The following AGPAT3 variants were observed in gnomAD, a reference collection of about 807,000 sequenced individuals.
AGPAT3 encodes 1-acyl-sn-glycerol-3-phosphate acyltransferase gamma.
AGPAT3 carries 5 observed loss-of-function variants against 47.3 expected under a neutral mutation model. That is an observed-to-expected ratio of 0.11 (90% confidence interval 0.06 to 0.22). The LOEUF (loss-of-function observed/expected upper bound fraction) is 0.22, where lower values mean the gene tolerates loss of function less well. AGPAT3 is among the 10% of genes least tolerant of loss of function. AGPAT3 has a pLI of 1.00. For synonymous variants in AGPAT3, 212 were observed against 208.3 expected, an observed-to-expected ratio of 1.02 and a Z score of -0.15; for missense variants, 315 against 493.0, an observed-to-expected ratio of 0.64 and a Z score of 3.42.
chr21:43,919,869 C>T (rs1158410921), intron 2 of AGPAT3: 1 of 152,244 alleles, frequency 6.6e-6, no homozygotes, highest in Non-Finnish European at 1.5e-5. Flanking sequence ...TGCCTCGTTC[C>T]GGTTTTAGTA....
At chr21:43,877,633 G>T (rs1290545115) in intron 1 of AGPAT3, among the ~76,000 whole-genome samples, 1 of 151,990 alleles carries the variant, frequency 6.6e-6, no homozygotes, top group Non-Finnish European at 1.5e-5. Context: ...TAATAGAGAC[G>T]GGGTTTCTCC....
At chr21:43,929,130 G>T (rs1269807120) in intron 2 of AGPAT3, among the ~76,000 whole-genome samples, 2 of 152,244 alleles carry the variant, frequency 1.3e-5, no homozygotes, top group African/African-American at 4.8e-5. Flanking sequence ...CCTTCAGAAG[G>T]AGGCCACTGC....
intron 1 of AGPAT3, among the ~76,000 whole-genome samples, chr21:43,897,184 G>A (rs377255023): frequency 0.1 from 15,814 of 151,312 alleles, 1,569 homozygotes; most frequent in African/African-American, 0.26. Flanking sequence ...GCCTTCAAGC[G>A]TCTGTTTAAC....
chr21:43,914,422 A>C (rs563708048), intron 2 of AGPAT3, among the ~76,000 whole-genome samples: 6 of 152,234 alleles, frequency 3.9e-5, no homozygotes, highest in African/African-American at 1.4e-4. Flanking sequence ...TTGTGAAATC[A>C]TCTGCCTTTG....
At position 43,880,045 on chromosome 21, in the gene AGPAT3, C is replaced by T. The variant is rs934719024; in HGVS notation, c.-112+14700C>T. Among the ~76,000 whole-genome samples the T allele has an allele frequency of 5.3e-5, 8 of 152,196 alleles. No individual in the cohort carries two copies. Among genetic ancestry groups the T allele is most frequent in the Non-Finnish European group, 8.8e-5 (6 of 68,022 alleles). On this transcript the variant is annotated intron_variant, in intron 1 of 9. Coordinates refer to ENST00000291572, the MANE Select transcript of AGPAT3 (RefSeq NM_020132.5). The surrounding 1 kb of genome is among the most constrained non-coding windows in gnomAD (Gnocchi z 4.5). ...AGAACAGGGCAGCATGACTCCGGGGCGGAGGACGCAGCCCTGCATCCCTTG... is the reference window on the plus strand; with the variant it reads ...AGAACAGGGCAGCATGACTCCGGGGTGGAGGACGCAGCCCTGCATCCCTTG...
rs148497398 is a variant in AGPAT3, at chr21:43,959,714, C to T, written c.33C>T (p.Phe11=). The change falls in exon 3 of 10, where the codon TTC becomes TTT. Residue 11 remains phenylalanine, a synonymous_variant. Coordinates refer to ENST00000291572, the MANE Select transcript of AGPAT3 (RefSeq NM_020132.5). ...TGCTGGCCTTCCTGAAGACCCAGTT[C>T]GTGCTGCACCTGCTGGTCGGCTTTG... MGLLAFLKTQ[F]VLHLLVGFVF... is the part of the protein sequence containing the mutation. 4.6e-3 allele frequency: 7,496 copies of T among 1,613,748 alleles called. 46 individuals are homozygous for T. Among genetic ancestry groups the T allele is most frequent in the South Asian group, 0.012 (1,128 of 91,080 alleles).
chr21:43,885,518 A>G (rs1026623547), intron 1 of AGPAT3, among the ~76,000 whole-genome samples: 1 of 151,630 alleles, frequency 6.6e-6, no homozygotes, highest in Non-Finnish European at 1.5e-5. Flanking sequence ...CCTCACAGGT[A>G]GCTGTGATTA....
intron 2 of AGPAT3, among the ~76,000 whole-genome samples, chr21:43,958,959 T>TATG: frequency 8.5e-6 from 1 of 118,164 alleles, no homozygotes; most frequent in South Asian, 2.8e-4. Context: ...GTGTATGTGG[T>TATG]TTTGCGGTGT....
intron 1 of AGPAT3, among the ~76,000 whole-genome samples, chr21:43,882,865 G>A (rs2085883725): frequency 6.6e-6 from 1 of 152,176 alleles, no homozygotes; most frequent in South Asian, 2.1e-4. Context: ...TCCATCCTCA[G>A]GGGCCTGGGG....
Position 43,945,467 on chromosome 21 carries a change from A to G in AGPAT3, c.-48-14167A>G, listed in dbSNP as rs566115880. The stretch of plus-strand genomic sequence containing the variant: ...ATCTTTTACTTCAAAATGTTTGTGC[A>G]TCTGAGATTTTCTGACTTTATATCT... On this transcript the variant is annotated intron_variant, in intron 2 of 9. Coordinates refer to ENST00000291572, the MANE Select transcript of AGPAT3 (RefSeq NM_020132.5). Among the ~76,000 whole-genome samples the G allele has an allele frequency of 5.9e-5, 9 of 152,336 alleles. No homozygotes were observed. In the South Asian group the frequency reaches 1.9e-3, roughly 32 times the overall value.
At position 43,952,516 on chromosome 21, in the gene AGPAT3, G is replaced by C. The variant is rs907315684; in HGVS notation, c.-48-7118G>C. 2.6e-5 allele frequency among the ~76,000 whole-genome samples: 4 copies of C among 152,168 alleles called. No homozygotes were observed. Among genetic ancestry groups the C allele is most frequent in the African/African-American group, 9.7e-5 (4 of 41,448 alleles). On this transcript the variant is annotated intron_variant, in intron 2 of 9. Transcript: ENST00000291572. The surrounding 1 kb of genome is among the most constrained non-coding windows in gnomAD (Gnocchi z 5.6). ...CCTGCCCAGGCAGAGGCAGCCTCGT[G>C]CCTCACCTTTGCTCCCCTGATCTAA... is the stretch of plus-strand genomic sequence containing the variant.
At chr21:43,945,187 A>G (rs1367799331) in intron 2 of AGPAT3, among the ~76,000 whole-genome samples, 1 of 152,146 alleles carries the variant, frequency 6.6e-6, no homozygotes, top group African/African-American at 2.4e-5. Context: ...CAGTCTGGGG[A>G]CTATGGTGAC....
At chr21:43,918,797 G>C (rs1443174624) in intron 2 of AGPAT3, among the ~76,000 whole-genome samples, 1 of 152,134 alleles carries the variant, frequency 6.6e-6, no homozygotes, top group African/African-American at 2.4e-5. Flanking sequence ...GGCTGGTCTT[G>C]AACTCCTGGC....
At position 43,967,378 on chromosome 21, in the gene AGPAT3, C is replaced by T. The variant is rs2089178730; in HGVS notation, c.179-568C>T. 4 of 152,994 alleles carry T rather than the reference C, an allele frequency of 2.6e-5. No individual in the cohort carries two copies. The South Asian group carries it at 6.2e-4, about 24-fold the overall frequency. 9.5% of individuals were successfully genotyped at this position (152,994 alleles called of 1,614,324 possible). ...CTCTGGCCACCTGCCCAGCAGCAAG[C>T]CCCGTCGAGCACCCCCAGCCGGCCT... is the stretch of plus-strand genomic sequence containing the variant. On this transcript the variant is annotated intron_variant, in intron 3 of 9. Transcript: ENST00000291572.
At chr21:43,948,862 C>T (rs2088039672) in intron 2 of AGPAT3, among the ~76,000 whole-genome samples, 1 of 151,944 alleles carries the variant, frequency 6.6e-6, no homozygotes, top group Admixed American at 6.5e-5. Flanking sequence ...ACATGGGATC[C>T]AAGTCCCCAA....
rs902673679 is a variant in AGPAT3 at position 43,952,105 on chromosome 21, C to T, written c.-48-7529C>T. 7.2e-5 allele frequency among the ~76,000 whole-genome samples: 11 copies of T among 152,048 alleles called. No homozygotes were observed. The highest frequency in any genetic ancestry group is 1.3e-4 in the Admixed American group (2 of 15,258). On this transcript the variant is annotated intron_variant, in intron 2 of 9. Coordinates refer to ENST00000291572, the MANE Select transcript of AGPAT3 (RefSeq NM_020132.5). This position sits in a 1 kb window ranked among gnomAD's most constrained non-coding sequence, Gnocchi z 5.6. ...ATGGGCCCGTACCTCTCCAGAACTA[C>T]GGACCTGGGATGAGGCGGCCTGTGA...
rs935564059 is a variant in AGPAT3 at position 43,952,491 on chromosome 21, C to G, written c.-48-7143C>G. Among the ~76,000 whole-genome samples, 74 of 152,166 alleles carry G rather than the reference C, an allele frequency of 4.9e-4. No individual in the cohort carries two copies. The highest frequency in any genetic ancestry group is 1.7e-3 in the African/African-American group (72 of 41,424). On this transcript the variant is annotated intron_variant, in intron 2 of 9. Coordinates refer to ENST00000291572, the MANE Select transcript of AGPAT3 (RefSeq NM_020132.5). This position sits in a 1 kb window ranked among gnomAD's most constrained non-coding sequence, Gnocchi z 5.6. Reference sequence around the variant, plus strand: ...TCTGATTGGCAAGCAGTGCTCTGGCCCTGCCCAGGCAGAGGCAGCCTCGTG... The same window carrying G: ...TCTGATTGGCAAGCAGTGCTCTGGCGCTGCCCAGGCAGAGGCAGCCTCGTG...
chr21:43,924,621 C>T (rs1350252977), intron 2 of AGPAT3, among the ~76,000 whole-genome samples: 10 of 152,254 alleles, frequency 6.6e-5, no homozygotes, highest in Admixed American at 1.3e-4. Context: ...ACCCTGACCT[C>T]CTCCGACATC....
intron 3 of AGPAT3, chr21:43,967,604 AC>A: frequency 4.3e-6 from 1 of 232,234 alleles, no homozygotes; most frequent in Non-Finnish European, 8.4e-6. Flanking sequence ...TCATCTAGTG[AC>A]ATTTTTCATC....
Sources: gnomAD v4.1 joint callset for allele counts (sites outside exome capture counted in the v4.1 genomes callset) on GRCh38, gnomAD v4.1.1 for gene constraint, Gnocchi (gnomAD v3.1) non-coding constraint, MANE v1.5 for transcripts, NCBI Gene and HGNC (gene_info 2026-07-23, HGNC 2026-07-21) for gene names.